Variants in AKT3 observed in about 807,000 individuals in gnomAD.
AKT3 encodes RAC-gamma serine/threonine-protein kinase.
In AKT3, 15 loss-of-function variants were observed where a neutral mutation model predicts 65.3. The ratio of observed to expected loss-of-function variants is 0.23; its 90% CI spans 0.15 to 0.35. The LOEUF is 0.35. AKT3 is among the 10% of genes least tolerant of loss of function. The pLI, the probability that AKT3 is intolerant of heterozygous loss-of-function variation, is 1.00. For missense variants in AKT3, 243 were observed against 576.5 expected (o/e 0.42, Z 5.92); for synonymous variants, 206 against 183.8 (o/e 1.12, Z -0.98).
At chr1:243,512,448 GT>G in intron 12 of AKT3, 22 bp from the exon 13 acceptor site, 1 of 1,406,526 alleles carries the variant, frequency 7.1e-7, no homozygotes, top group Non-Finnish European at 9.8e-7. Flanking sequence ...AAGAAAAAGA[GT>G]TTTATTAACT....
At chr1:243,687,881 A>G (rs1042796957) in intron 3 of AKT3, 1 of 152,208 alleles carries the variant, frequency 6.6e-6, no homozygotes, top group Non-Finnish European at 1.5e-5. Context: ...ACCTATGAAA[A>G]TAGAAGCGAG....
chr1:243,779,419 T>G (rs1468143818), intron 2 of AKT3, among the ~76,000 whole-genome samples: 1 of 151,912 alleles, frequency 6.6e-6, no homozygotes, highest in East Asian at 1.9e-4. Context: ...ACTCTACCCT[T>G]TAAAAATCTC....
intron 1 of AKT3, among the ~76,000 whole-genome samples, chr1:243,848,149 A>G (rs1325284187): frequency 6.6e-6 from 1 of 152,152 alleles, no homozygotes; most frequent in Non-Finnish European, 1.5e-5. Flanking sequence ...CCCTCACTTT[A>G]AAACTGGAAC....
chr1:243,734,527 GTACAGTAAAAA>G (rs1236153639), intron 2 of AKT3, among the ~76,000 whole-genome samples: 2 of 151,778 alleles, frequency 1.3e-5, no homozygotes, highest in Admixed American at 6.6e-5. Flanking sequence ...CATAGAGAAG[GTACAGTAAAAA>G]TACAGTACAC....
chr1:243,666,786 C>A (rs536436300), intron 3 of AKT3, among the ~76,000 whole-genome samples: 1 of 152,324 alleles, frequency 6.6e-6, no homozygotes, highest in African/African-American at 2.4e-5. Flanking sequence ...GCTCAGAACA[C>A]TTCCATTAGC....
chr1:243,615,430 G>A (rs1678225170), intron 6 of AKT3, among the ~76,000 whole-genome samples: 1 of 152,044 alleles, frequency 6.6e-6, no homozygotes, highest in Non-Finnish European at 1.5e-5. Context: ...AAATCAGTCA[G>A]AAAATTATCA....
chr1:243,577,269 C>T (rs1231759940), intron 8 of AKT3, among the ~76,000 whole-genome samples: 2 of 152,146 alleles, frequency 1.3e-5, no homozygotes, highest in African/African-American at 2.4e-5. Context: ...GCCTCAGCCT[C>T]CTGAGTAGCT....
At chr1:243,725,480 C>A (rs1308518088) in intron 2 of AKT3, among the ~76,000 whole-genome samples, 1 of 152,096 alleles carries the variant, frequency 6.6e-6, no homozygotes, top group Non-Finnish European at 1.5e-5. Flanking sequence ...ACCAATCTAG[C>A]AGAATAACAG....
intron 8 of AKT3, among the ~76,000 whole-genome samples, chr1:243,574,275 C>G (rs2148510430): frequency 6.6e-6 from 1 of 150,796 alleles, no homozygotes; most frequent in Middle Eastern, 3.4e-3. Flanking sequence ...CACTTAACAG[C>G]ATATTATAAG....
intron 8 of AKT3, among the ~76,000 whole-genome samples, chr1:243,574,305 C>T (rs1163156037): frequency 6.6e-6 from 1 of 151,552 alleles, no homozygotes; most frequent in Non-Finnish European, 1.5e-5. Context: ...ATGCATGACC[C>T]ATTGGCATAG....
At chr1:243,574,550 T>C (rs1211554784) in intron 8 of AKT3, among the ~76,000 whole-genome samples, 1 of 152,142 alleles carries the variant, frequency 6.6e-6, no homozygotes, top group Non-Finnish European at 1.5e-5. Flanking sequence ...CTAAAAGGCA[T>C]TCTGATTACA....
At chr1:243,499,012 A>G (rs1433843858), downstream of AKT3, among the ~76,000 whole-genome samples, 2 of 152,206 alleles carry the variant, frequency 1.3e-5, no homozygotes, top group African/African-American at 4.8e-5. Flanking sequence ...AACTCCAGAC[A>G]TGCTTTGTGG....
At chr1:243,747,456 T>A (rs1688544351) in intron 2 of AKT3, among the ~76,000 whole-genome samples, 1 of 152,176 alleles carries the variant, frequency 6.6e-6, no homozygotes, top group South Asian at 2.1e-4. Context: ...TCAACAAAAT[T>A]TGGGGAAAGT....
At chr1:243,711,900 T>C (rs1466552104) in intron 2 of AKT3, among the ~76,000 whole-genome samples, 2 of 152,202 alleles carry the variant, frequency 1.3e-5, no homozygotes, top group African/African-American at 4.8e-5. Flanking sequence ...CCTGTACTAC[T>C]AAGATTTAGC....
At chr1:243,835,380 T>G (rs763024038) in intron 2 of AKT3, among the ~76,000 whole-genome samples, 1 of 152,318 alleles carries the variant, frequency 6.6e-6, no homozygotes, top group Admixed American at 6.5e-5. Flanking sequence ...TAGGGTACTA[T>G]GTTTATTACC....
intron 9 of AKT3, among the ~76,000 whole-genome samples, chr1:243,570,429 C>CA (rs1385235638): frequency 2.0e-5 from 3 of 152,194 alleles, no homozygotes; most frequent in East Asian, 1.9e-4. Flanking sequence ...TTTAGGCTTA[C>CA]AAAGATTTCC....
At chr1:243,786,707 T>C (rs1375896952) in intron 2 of AKT3, among the ~76,000 whole-genome samples, 2 of 151,928 alleles carry the variant, frequency 1.3e-5, no homozygotes, top group African/African-American at 2.4e-5. Context: ...GCGGTGGAGA[T>C]GGTAAAAATG....
At chr1:243,686,204 C>T (rs147256380) in intron 3 of AKT3, among the ~76,000 whole-genome samples, 1,711 of 152,206 alleles carry the variant, frequency 0.011, 31 homozygotes, top group African/African-American at 0.039. Flanking sequence ...AGGTTCAATG[C>T]TATCCCCATC....
chr1:243,539,703 T>C (rs1313359209), intron 12 of AKT3, among the ~76,000 whole-genome samples: 1 of 152,198 alleles, frequency 6.6e-6, no homozygotes, highest in East Asian at 1.9e-4. Context: ...GAAAAATCCA[T>C]ATATTTGGAA....
Sources: gnomAD v4.1 joint callset for allele counts (sites outside exome capture counted in the v4.1 genomes callset) on GRCh38, gnomAD v4.1.1 for gene constraint, MANE v1.5 for transcripts, NCBI Gene and HGNC (gene_info 2026-07-23, HGNC 2026-07-21) for gene names.